Variants in HS3ST4 observed in about 807,000 individuals in gnomAD.
HS3ST4 encodes the protein heparan sulfate-glucosamine 3-sulfotransferase 4, also known as heparan sulfate glucosamine 3-O-sulfotransferase 4.
In HS3ST4, 17 loss-of-function variants were observed where a neutral mutation model predicts 29.2. That is an observed-to-expected ratio of 0.58 (90% CI 0.40 to 0.87). The LOEUF (loss-of-function observed/expected upper bound fraction) is 0.87. Ranked by LOEUF, HS3ST4 falls within the 40% of genes least tolerant of loss-of-function variation. HS3ST4 has a pLI of 0.00. For synonymous variants in HS3ST4, 314 were observed against 285.7 expected, an observed-to-expected ratio of 1.10 and a Z score of -1.00; for missense variants, 627 against 634.5, an observed-to-expected ratio of 0.99 and a Z score of 0.13.
At chr16:25,903,801 C>T (rs142300522) in intron 1 of HS3ST4, among the ~76,000 whole-genome samples, 71 of 152,242 alleles carry the variant, frequency 4.7e-4, no homozygotes, top group Non-Finnish European at 5.9e-4. Context: ...CTAAACAATA[C>T]GCACTTTTTT....
intron 1 of HS3ST4, among the ~76,000 whole-genome samples, chr16:25,999,885 T>C (rs1969196139): frequency 8.1e-6 from 1 of 123,058 alleles, no homozygotes; most frequent in Non-Finnish European, 1.7e-5. Context: ...ATATATATTA[T>C]ATATATATAT....
chr16:25,813,387 G>T (rs1567245391), intron 1 of HS3ST4, among the ~76,000 whole-genome samples: 1 of 152,100 alleles, frequency 6.6e-6, no homozygotes, highest in Non-Finnish European at 1.5e-5. Context: ...CACTTTGGGA[G>T]GCTGAGGCGG....
At chr16:25,800,226 A>G (rs1966920113) in intron 1 of HS3ST4, among the ~76,000 whole-genome samples, 1 of 152,092 alleles carries the variant, frequency 6.6e-6, no homozygotes. Context: ...ATTTTAATGT[A>G]AGTTTCTTTT....
chr16:25,877,437 T>G (rs1967843865), intron 1 of HS3ST4, among the ~76,000 whole-genome samples: 2 of 152,154 alleles, frequency 1.3e-5, no homozygotes, highest in South Asian at 4.1e-4. Flanking sequence ...CTCTCTCTGT[T>G]AATCACTCCC....
At chr16:25,949,216 C>A (rs1968660252) in intron 1 of HS3ST4, among the ~76,000 whole-genome samples, 1 of 152,070 alleles carries the variant, frequency 6.6e-6, no homozygotes, top group Non-Finnish European at 1.5e-5. Context: ...TACAAACTAT[C>A]CAGTTACACT....
intron 1 of HS3ST4, among the ~76,000 whole-genome samples, chr16:25,989,710 TTTTG>T (rs1285317189): frequency 6.6e-6 from 1 of 152,240 alleles, no homozygotes; most frequent in Non-Finnish European, 1.5e-5. Flanking sequence ...TTTAATTTCC[TTTTG>T]TTTGTTTGTT....
chr16:25,860,598 A>G (rs975590762), intron 1 of HS3ST4, among the ~76,000 whole-genome samples: 2 of 152,184 alleles, frequency 1.3e-5, no homozygotes, highest in Non-Finnish European at 2.9e-5. Flanking sequence ...AATGCATATT[A>G]CTAAGTGAAG....
At chr16:25,928,649 A>G (rs1477122945) in intron 1 of HS3ST4, among the ~76,000 whole-genome samples, 1 of 152,130 alleles carries the variant, frequency 6.6e-6, no homozygotes, top group Non-Finnish European at 1.5e-5. Flanking sequence ...TCATCTCCTT[A>G]AGAACTTGGG....
intron 1 of HS3ST4, among the ~76,000 whole-genome samples, chr16:25,790,905 C>T (rs1257440431): frequency 6.6e-6 from 1 of 152,028 alleles, no homozygotes. Flanking sequence ...TTTATATAGC[C>T]TAGTTAATCA....
chr16:25,799,888 C>T (rs1326513938), intron 1 of HS3ST4, among the ~76,000 whole-genome samples: 2 of 152,088 alleles, frequency 1.3e-5, no homozygotes, highest in African/African-American at 4.8e-5. Context: ...CTATGTTGGT[C>T]AGGCTAGAGT....
chr16:25,762,057 A>C (rs1323149998), intron 1 of HS3ST4, among the ~76,000 whole-genome samples: 2 of 152,120 alleles, frequency 1.3e-5, no homozygotes, highest in African/African-American at 2.4e-5. Context: ...AACTCATAAG[A>C]GTGGAGTCCC....
At chr16:25,994,240 ACTCT>A (rs1969140132) in intron 1 of HS3ST4, among the ~76,000 whole-genome samples, 1 of 150,398 alleles carries the variant, frequency 6.6e-6, no homozygotes, top group African/African-American at 2.5e-5. Flanking sequence ...ATTTTATTTA[ACTCT>A]CTCAGCTTTA....
intron 1 of HS3ST4, among the ~76,000 whole-genome samples, chr16:25,855,211 A>T (rs1232939382): frequency 1.3e-5 from 2 of 152,170 alleles, no homozygotes; most frequent in African/African-American, 4.8e-5. Context: ...GGTAGAAAAA[A>T]ATTCTTGAGT....
At chr16:25,872,692 C>T (rs1293894830) in intron 1 of HS3ST4, among the ~76,000 whole-genome samples, 1 of 152,224 alleles carries the variant, frequency 6.6e-6, no homozygotes, top group African/African-American at 2.4e-5. Flanking sequence ...TCACATTGCT[C>T]ATGCACCATC....
intron 1 of HS3ST4, among the ~76,000 whole-genome samples, chr16:25,844,524 A>G (rs1054378057): frequency 6.6e-6 from 1 of 152,162 alleles, no homozygotes; most frequent in African/African-American, 2.4e-5. Context: ...TTTATATCTT[A>G]CAGAGTCTGG....
chr16:25,771,778 A>G (rs1338517463), intron 1 of HS3ST4, among the ~76,000 whole-genome samples: 1 of 152,172 alleles, frequency 6.6e-6, no homozygotes, highest in African/African-American at 2.4e-5. Context: ...TAGGTGCTCA[A>G]GGGCTTAATA....
intron 1 of HS3ST4, among the ~76,000 whole-genome samples, chr16:25,797,909 G>C (rs1966897490): frequency 6.6e-6 from 1 of 152,188 alleles, no homozygotes; most frequent in Non-Finnish European, 1.5e-5. Flanking sequence ...GTGAAGGCTG[G>C]CTTCATTCTC....
intron 1 of HS3ST4, among the ~76,000 whole-genome samples, chr16:26,040,249 A>G (rs1197825124): frequency 2.7e-5 from 4 of 146,678 alleles, no homozygotes; most frequent in African/African-American, 1.0e-4. Flanking sequence ...GTCTGTCCAT[A>G]TTTGGAGGCT....
chr16:26,029,649 G>T (rs1200930448), intron 1 of HS3ST4, among the ~76,000 whole-genome samples: 1 of 152,152 alleles, frequency 6.6e-6, no homozygotes, highest in Admixed American at 6.5e-5. Context: ...TTGACCTTTT[G>T]ATCCACACGC....
Sources: gnomAD v4.1 joint callset for allele counts (sites outside exome capture counted in the v4.1 genomes callset) on GRCh38, gnomAD v4.1.1 for gene constraint, MANE v1.5 for transcripts, NCBI Gene and HGNC (gene_info 2026-07-23, HGNC 2026-07-21) for gene names.